ZNRF2: variants seen among roughly 807,000 people sequenced by gnomAD.
The protein encoded by ZNRF2 is zinc and ring finger 2.
Under a neutral mutation model 20.4 loss-of-function variants are expected in ZNRF2, and 16 were observed. The observed-to-expected ratio is 0.79, with a 90% CI of 0.53 to 1.19. The LOEUF is 1.19. ZNRF2 is among the 50% of genes most tolerant of loss of function. The pLI, the probability that ZNRF2 is intolerant of heterozygous loss-of-function variation, is 0.00. For missense variants in ZNRF2, 363 were observed against 332.4 expected (o/e 1.09, Z -0.72); for synonymous variants, 178 against 144.9 (o/e 1.23, Z -1.64).
rs1414576525 is a variant in ZNRF2, at chr7:30,365,820, G to A, written c.*23-215G>A. 3.3e-5 allele frequency among the ~76,000 whole-genome samples: 5 copies of A among 152,118 alleles called. No individual in the cohort carries two copies. In the East Asian group the frequency reaches 7.7e-4, roughly 23 times the overall value. ...TTTGGGAGAAATATTTTAAATCTCCGTGTGTGTGCATTCTTTACTTGCGTG... is the reference window on the plus strand; with the variant it reads ...TTTGGGAGAAATATTTTAAATCTCCATGTGTGTGCATTCTTTACTTGCGTG... On this transcript the variant is annotated intron_variant, in intron 4 of 4. Transcript: ENST00000323037.
At chr7:30,340,836 C>A (rs564050565) in intron 2 of ZNRF2, among the ~76,000 whole-genome samples, 1 of 152,040 alleles carries the variant, frequency 6.6e-6, no homozygotes, top group South Asian at 2.1e-4. Flanking sequence ...CTCTTTGTAC[C>A]TCCGGTAGAG....
At chr7:30,344,195 T>C (rs180979719) in intron 2 of ZNRF2, among the ~76,000 whole-genome samples, 206 of 151,702 alleles carry the variant, frequency 1.4e-3, no homozygotes, top group African/African-American at 4.8e-3. Context: ...GTGCTGGGAT[T>C]ACAGGCGTGA....
chr7:30,327,349 T>G (rs111843275), intron 2 of ZNRF2, among the ~76,000 whole-genome samples: 2,150 of 152,264 alleles, frequency 0.014, 20 homozygotes, highest in South Asian at 0.035. Context: ...GGGTCCAGTT[T>G]CAATCTTCTG....
chr7:30,320,064 G>A (rs778560143), intron 1 of ZNRF2, among the ~76,000 whole-genome samples: 24 of 152,008 alleles, frequency 1.6e-4, no homozygotes, highest in Non-Finnish European at 2.5e-4. Flanking sequence ...ATTTAACCAC[G>A]AATTCTTTGT....
At chr7:30,350,455 T>C (rs1188191069) in intron 2 of ZNRF2, among the ~76,000 whole-genome samples, 1 of 152,038 alleles carries the variant, frequency 6.6e-6, no homozygotes, top group Non-Finnish European at 1.5e-5. Context: ...CAGTGGCATC[T>C]AGGCAGAGAA....
intron 1 of ZNRF2, among the ~76,000 whole-genome samples, chr7:30,310,823 C>T (rs561163314): frequency 5.5e-4 from 84 of 152,108 alleles, no homozygotes; most frequent in Non-Finnish European, 1.1e-3. Context: ...TTAGGAGATT[C>T]GTTCCTTGTC....
Position 30,366,348 on chromosome 7 carries a change from G to C in ZNRF2, c.*336G>C, listed in dbSNP as rs1038774136. 2.0e-5 allele frequency: 3 copies of C among 152,574 alleles called. No homozygotes were observed. Among genetic ancestry groups the C allele is most frequent in the African/African-American group, 7.2e-5 (3 of 41,444 alleles). 9.5% of individuals were successfully genotyped at this position (152,574 alleles called of 1,614,324 possible). The stretch of plus-strand genomic sequence containing the variant: ...GACGCCAAAGTTAACTGATTTAAAA[G>C]TTGATTTACTTTTTATTAAGTTCTC... On this transcript the variant is annotated 3_prime_UTR_variant, in exon 5 of 5. Coordinates refer to ENST00000323037, the MANE Select transcript of ZNRF2 (RefSeq NM_147128.4).
At chr7:30,295,044 AGAGAGAGTGTGTGTGTGTGTGT>A (rs1233914893) in intron 1 of ZNRF2, among the ~76,000 whole-genome samples, 4 of 111,868 alleles carry the variant, frequency 3.6e-5, no homozygotes, top group African/African-American at 1.3e-4. Context: ...AGAGAGAGAG[AGAGAGAGTGTGTGTGTGTGTGT>A]GTGTGTGTGT....
At chr7:30,341,069 G>T (rs1353049050) in intron 2 of ZNRF2, among the ~76,000 whole-genome samples, 1 of 152,116 alleles carries the variant, frequency 6.6e-6, no homozygotes, top group African/African-American at 2.4e-5. Flanking sequence ...CTGTATTTCT[G>T]CGGGATCAGT....
chr7:30,354,965 TGA>T (rs941653907), intron 2 of ZNRF2, among the ~76,000 whole-genome samples: 4 of 152,200 alleles, frequency 2.6e-5, no homozygotes, highest in African/African-American at 9.6e-5. Context: ...AAACATGGAT[TGA>T]GAGAACCTTA....
rs375882830 is a variant in ZNRF2, at chr7:30,363,131, AAAAAC to A, written c.*22+680_*22+684del. Reference sequence around the variant, plus strand: ...GCGAGTCTCCTTCTCAAAAAAAACAAAAAACAAAAGAGAATCACTTGAACCCAGGA... The same window carrying A: ...GCGAGTCTCCTTCTCAAAAAAAACAAAAAAGAGAATCACTTGAACCCAGGA... On this transcript the variant is annotated intron_variant, in intron 4 of 4. Coordinates refer to ENST00000323037, the MANE Select transcript of ZNRF2 (RefSeq NM_147128.4). 6.3e-4 allele frequency among the ~76,000 whole-genome samples: 96 copies of A among 152,162 alleles called. 1 individual carries two copies. The highest frequency in any genetic ancestry group is 2.3e-3 in the African/African-American group (94 of 41,514).
chr7:30,327,843 A>G (rs1342783209), intron 2 of ZNRF2, among the ~76,000 whole-genome samples: 2 of 152,126 alleles, frequency 1.3e-5, no homozygotes, highest in Non-Finnish European at 2.9e-5. Context: ...CTAGGACTAC[A>G]GGTGCATGCC....
At chr7:30,304,734 G>A (rs1185176948) in intron 1 of ZNRF2, among the ~76,000 whole-genome samples, 2 of 152,050 alleles carry the variant, frequency 1.3e-5, no homozygotes, top group Admixed American at 1.3e-4. Flanking sequence ...ATAGACTTAG[G>A]GTAAATCATT....
intron 2 of ZNRF2, among the ~76,000 whole-genome samples, chr7:30,344,303 A>G (rs1799844124): frequency 6.6e-6 from 1 of 151,264 alleles, no homozygotes; most frequent in Non-Finnish European, 1.5e-5. Context: ...GGTGTTTCTA[A>G]TTGTATTTCT....
At chr7:30,356,259 G>A (rs976820332) in intron 3 of ZNRF2, among the ~76,000 whole-genome samples, 5 of 150,452 alleles carry the variant, frequency 3.3e-5, no homozygotes, top group African/African-American at 9.8e-5. Context: ...CTTGCTTTTA[G>A]AGTGATACAG....
chr7:30,300,105 A>G (rs1040093306), intron 1 of ZNRF2, among the ~76,000 whole-genome samples: 7 of 143,406 alleles, frequency 4.9e-5, no homozygotes, highest in Admixed American at 2.1e-4. Context: ...TCTCCATAAC[A>G]TATATTTAGA....
chr7:30,352,224 AC>A (rs1799970916), intron 2 of ZNRF2, among the ~76,000 whole-genome samples: 1 of 152,014 alleles, frequency 6.6e-6, no homozygotes, highest in Non-Finnish European at 1.5e-5. Context: ...TAAGTTTTCA[AC>A]TTTAAATCTT....
At chr7:30,349,885 T>C (rs1799937977) in intron 2 of ZNRF2, among the ~76,000 whole-genome samples, 1 of 152,098 alleles carries the variant, frequency 6.6e-6, no homozygotes. Context: ...AGGAAAATAT[T>C]TGTTTAGGTT....
chr7:30,323,591 T>C (rs773103983), intron 1 of ZNRF2, 51 bp from the exon 2 acceptor site: 9 of 1,219,708 alleles, frequency 7.4e-6, no homozygotes, highest in Non-Finnish European at 1.0e-5. Context: ...TTAAAAGCCA[T>C]AGCTGGATAT....
Sources: gnomAD v4.1 joint callset for allele counts (sites outside exome capture counted in the v4.1 genomes callset) on GRCh38, gnomAD v4.1.1 for gene constraint, MANE v1.5 for transcripts, NCBI Gene and HGNC (gene_info 2026-07-23, HGNC 2026-07-21) for gene names.